Variants in WDR70 observed in about 807,000 individuals in gnomAD.
WDR70 encodes WD repeat domain 70.
A neutral mutation model predicts 88.6 loss-of-function variants in WDR70; 53 were observed. That is an observed-to-expected ratio of 0.60 (90% confidence interval 0.48 to 0.75). The LOEUF is 0.75. Ranked by LOEUF, WDR70 falls within the 30% of genes least tolerant of loss-of-function variation. WDR70 has a pLI of 0.00. For missense variants in WDR70, 610 were observed against 823.2 expected (o/e 0.74, Z 3.17); for synonymous variants, 280 against 270.0 (o/e 1.04, Z -0.36).
intron 8 of WDR70, among the ~76,000 whole-genome samples, chr5:37,511,151 T>C (rs570561815): frequency 2.0e-5 from 3 of 152,356 alleles, no homozygotes; most frequent in African/African-American, 7.2e-5. Flanking sequence ...CTATTGATGA[T>C]TCTTTCCTGA....
chr5:37,660,684 A>G (rs182082072), intron 10 of WDR70, among the ~76,000 whole-genome samples: 20 of 152,170 alleles, frequency 1.3e-4, no homozygotes, highest in Admixed American at 1.2e-3. Context: ...GCTGATCTTC[A>G]GTAAGTTTTT....
intron 9 of WDR70, among the ~76,000 whole-genome samples, chr5:37,518,185 G>C (rs1740952140): frequency 6.6e-6 from 1 of 152,008 alleles, no homozygotes; most frequent in Non-Finnish European, 1.5e-5. Flanking sequence ...AAAGTGCTGG[G>C]ATTATAGACA....
At chr5:37,384,608 C>CAGT (rs1336077308) in intron 3 of WDR70, among the ~76,000 whole-genome samples, 1 of 133,234 alleles carries the variant, frequency 7.5e-6, no homozygotes, top group African/African-American at 2.8e-5. Context: ...TGCAGTGAGC[C>CAGT]GAGATCTTGC....
At chr5:37,432,858 C>T (rs10058481) in intron 5 of WDR70, among the ~76,000 whole-genome samples, 116,312 of 152,062 alleles carry the variant, frequency 0.76, 48,363 homozygotes, top group East Asian at 0.96. Context: ...CCACCGCACC[C>T]GGCCTTTTGC....
Position 37,512,157 on chromosome 5 carries a change from T to A in WDR70, c.841-4357T>A, listed in dbSNP as rs552170482. On this transcript the variant is annotated intron_variant, in intron 8 of 17. Transcript: ENST00000265107. ...CTTGGCTTGTGGCTATATAACTCCA[T>A]TCTCTGCCTCTGTCTTTACATAGCC... 2.6e-5 allele frequency among the ~76,000 whole-genome samples: 4 copies of A among 152,328 alleles called. No homozygotes were observed. In the South Asian group the frequency reaches 8.3e-4, roughly 32 times the overall value.
chr5:37,625,456 A>G (rs148568060), intron 10 of WDR70, among the ~76,000 whole-genome samples: 1 of 152,104 alleles, frequency 6.6e-6, no homozygotes, highest in East Asian at 1.9e-4. Context: ...TTTTTCTTAT[A>G]CATGTTGACC....
rs1738335568 is a variant in WDR70, at chr5:37,443,300, A to T, written c.614A>T (p.Asp205Val). ...ARLVTGGYDYDVKFWDFAGMD... is the reference protein window; with the variant it reads ...ARLVTGGYDYVVKFWDFAGMD... ...TTGGTGACAGGAGGATATGACTATG[A>T]TGTTAAGTTTTGGGATTTTGCTGGA... Residue 205 changes from aspartate to valine, a missense_variant, in exon 7 of 18, where the codon GAT becomes GTT. Asp to Val is a radical substitution (Grantham distance 152). Coordinates refer to ENST00000265107, the MANE Select transcript of WDR70 (RefSeq NM_018034.4). 1.9e-6 allele frequency: 3 copies of T among 1,613,726 alleles called. No individual in the cohort carries two copies. The highest frequency in any genetic ancestry group is 1.7e-5 in the Admixed American group (1 of 59,978).
At chr5:37,676,746 C>T (rs1239976316) in intron 10 of WDR70, among the ~76,000 whole-genome samples, 1 of 151,544 alleles carries the variant, frequency 6.6e-6, no homozygotes, top group Non-Finnish European at 1.5e-5. Context: ...ATGCTGGCCT[C>T]ATAAAATGAG....
intron 10 of WDR70, among the ~76,000 whole-genome samples, chr5:37,634,476 C>T (rs1744904671): frequency 6.6e-6 from 1 of 152,126 alleles, no homozygotes; most frequent in Non-Finnish European, 1.5e-5. Context: ...ACATCTCTAA[C>T]CTTACCTCTT....
At chr5:37,648,987 A>G (rs1745317801) in intron 10 of WDR70, among the ~76,000 whole-genome samples, 1 of 152,218 alleles carries the variant, frequency 6.6e-6, no homozygotes, top group African/African-American at 2.4e-5. Context: ...TTTAGGAATG[A>G]CGTAAAGCTA....
At chr5:37,648,932 A>T (rs755179131) in intron 10 of WDR70, among the ~76,000 whole-genome samples, 1 of 152,184 alleles carries the variant, frequency 6.6e-6, no homozygotes, top group Non-Finnish European at 1.5e-5. Flanking sequence ...CATTAATAAC[A>T]TTGTCAATGG....
At chr5:37,669,392 CTTTTT>C (rs74326452) in intron 10 of WDR70, among the ~76,000 whole-genome samples, 1 of 105,130 alleles carries the variant, frequency 9.5e-6, no homozygotes, top group Admixed American at 9.1e-5. Context: ...ACATAATTAT[CTTTTT>C]TTTAAAAAAA....
intron 8 of WDR70, among the ~76,000 whole-genome samples, chr5:37,504,591 A>T (rs2112227629): frequency 6.6e-6 from 1 of 152,328 alleles, no homozygotes; most frequent in East Asian, 1.9e-4. Flanking sequence ...CTCTCAATAC[A>T]ATACTTTCTG....
chr5:37,575,056 G>A (rs1314484414), intron 9 of WDR70, among the ~76,000 whole-genome samples: 1 of 152,146 alleles, frequency 6.6e-6, no homozygotes, highest in Admixed American at 6.6e-5. Context: ...GTGAGGGCAA[G>A]GGCTTTAACT....
chr5:37,459,335 T>C (rs1379148266), intron 7 of WDR70, among the ~76,000 whole-genome samples: 1 of 148,132 alleles, frequency 6.8e-6, no homozygotes, highest in Non-Finnish European at 1.5e-5. Context: ...TGTAGATGTC[T>C]ATTAGGTCCG....
At chr5:37,722,046 C>G (rs932884283) in intron 14 of WDR70, 5 of 152,138 alleles carry the variant, frequency 3.3e-5, no homozygotes, top group Non-Finnish European at 7.4e-5. Flanking sequence ...AAGCAGACAG[C>G]CCCATCTTCC....
At chr5:37,730,927 G>C (rs1748126405) in intron 17 of WDR70, among the ~76,000 whole-genome samples, 1 of 152,096 alleles carries the variant, frequency 6.6e-6, no homozygotes, top group Non-Finnish European at 1.5e-5. Context: ...CTGAGATAAA[G>C]ATTTACATAA....
At position 37,692,380 on chromosome 5, in the gene WDR70, A is replaced by G. The variant is rs556230494; in HGVS notation, c.1093-5275A>G. Among the ~76,000 whole-genome samples, 283 of 152,320 alleles carry G rather than the reference A, an allele frequency of 1.9e-3. 1 individual carries two copies. The highest frequency in any genetic ancestry group is 6.5e-3 in the African/African-American group (271 of 41,568). ...TAACTCATTTTATGAGGCCAGCATCATCCTAATACCAAAGGCTGGCAGAGA... is the reference window on the plus strand; with the variant it reads ...TAACTCATTTTATGAGGCCAGCATCGTCCTAATACCAAAGGCTGGCAGAGA... On this transcript the variant is annotated intron_variant, in intron 10 of 17. Transcript: ENST00000265107.
intron 5 of WDR70, among the ~76,000 whole-genome samples, chr5:37,402,928 T>TTCCC (rs1335821610): frequency 1.4e-5 from 2 of 138,780 alleles, no homozygotes; most frequent in Admixed American, 7.8e-5. Context: ...CTTTCCCTCC[T>TTCCC]TCCCTCCCTC....
Sources: gnomAD v4.1 joint callset for allele counts (sites outside exome capture counted in the v4.1 genomes callset) on GRCh38, gnomAD v4.1.1 for gene constraint, MANE v1.5 for transcripts, NCBI Gene and HGNC (gene_info 2026-07-23, HGNC 2026-07-21) for gene names.